TARS3: variants seen among roughly 807,000 people sequenced by gnomAD.
TARS3 encodes threonine--tRNA ligase 2, cytoplasmic.
TARS3 carries 94 observed loss-of-function variants against 103.5 expected under a neutral mutation model. The ratio of observed to expected loss-of-function variants is 0.91; its 90% CI spans 0.77 to 1.08. TARS3 has a LOEUF of 1.08. TARS3 is among the 50% of genes least tolerant of loss of function. The pLI is 0.00. For synonymous variants in TARS3, 416 were observed against 355.4 expected, an observed-to-expected ratio of 1.17 and a Z score of -1.92; for missense variants, 952 against 995.2, an observed-to-expected ratio of 0.96 and a Z score of 0.58.
At chr15:101,678,450 C>A (rs549139725) in intron 12 of TARS3, among the ~76,000 whole-genome samples, 41 of 151,156 alleles carry the variant, frequency 2.7e-4, no homozygotes, top group African/African-American at 9.7e-4. Flanking sequence ...TAACATTTTT[C>A]TGGAATTCAA....
intron 6 of TARS3, among the ~76,000 whole-genome samples, chr15:101,706,949 G>A (rs2141437759): frequency 6.6e-6 from 1 of 152,244 alleles, no homozygotes; most frequent in East Asian, 1.9e-4. Context: ...TGGATATCCA[G>A]AATATATCAA....
At chr15:101,712,410 C>A (rs1899913476) in intron 4 of TARS3, among the ~76,000 whole-genome samples, 1 of 152,160 alleles carries the variant, frequency 6.6e-6, no homozygotes, top group Admixed American at 6.5e-5. Context: ...TCTCCAGGGG[C>A]ACCCTCTCTG....
chr15:101,711,859 A>T, intron 5 of TARS3, 21 bp downstream of exon 5: 1 of 1,612,162 alleles, frequency 6.2e-7, no homozygotes, highest in East Asian at 2.2e-5. Context: ...TGCATTCACA[A>T]GCCAGTATTC....
At chr15:101,709,864 T>A (rs1195106286) in intron 5 of TARS3, among the ~76,000 whole-genome samples, 1 of 152,202 alleles carries the variant, frequency 6.6e-6, no homozygotes, top group Non-Finnish European at 1.5e-5. Context: ...TTGGTCTTCA[T>A]CCAGATTTCT....
intron 12 of TARS3, 112 bp downstream of exon 12, chr15:101,683,963 C>T: frequency 1.9e-6 from 2 of 1,075,764 alleles, no homozygotes; most frequent in African/African-American, 1.6e-5. Context: ...GAATGAATCT[C>T]AGAGACTAGA....
At position 101,657,810 on chromosome 15, in the gene TARS3, G is replaced by A. The variant is rs747463497; in HGVS notation, c.2120C>T (p.Pro707Leu). The A allele has an allele frequency of 1.9e-6, 3 of 1,609,200 alleles. No individual in the cohort carries two copies. The South Asian group carries it at 3.3e-5, about 18-fold the overall frequency. ...CTGAAGTGCATATTTTTCACAAGTT[G>A]GCCCCACAGGGATGACCATCACCTG... ...PRQVMVIPVG[P>L]TCEKYALQVS... Residue 707 changes from proline (P) to leucine (L), a missense_variant, in exon 17 of 19, where the codon CCA becomes CTA. By Grantham distance (98) the Pro-to-Leu change is moderately conservative (BLOSUM62 -3). Around this residue, in one of 2 missense-constraint regions of TARS3, gnomAD observed 540 missense variants for 631.0 expected, o/e 0.86. Transcript: ENST00000335968.
intron 13 of TARS3, among the ~76,000 whole-genome samples, chr15:101,674,458 A>C (rs1019858744): frequency 2.6e-5 from 4 of 152,228 alleles, no homozygotes; most frequent in Non-Finnish European, 5.9e-5. Flanking sequence ...AGGAACAAGA[A>C]ATTCATGCTA....
At chr15:101,687,739 C>T (rs536200328) in intron 10 of TARS3, among the ~76,000 whole-genome samples, 1 of 152,168 alleles carries the variant, frequency 6.6e-6, no homozygotes, top group East Asian at 1.9e-4. Context: ...ATACCTTAAC[C>T]CCAAGGTGAT....
intron 13 of TARS3, among the ~76,000 whole-genome samples, 184 bp downstream of exon 13, chr15:101,675,411 TGTAAG>T (rs765151486): frequency 6.6e-6 from 1 of 152,186 alleles, no homozygotes; most frequent in Non-Finnish European, 1.5e-5. Context: ...GTGAAGCAAA[TGTAAG>T]GTATTATTAT....
chr15:101,662,078 T>C (rs578261316), intron 15 of TARS3, among the ~76,000 whole-genome samples: 2 of 152,158 alleles, frequency 1.3e-5, no homozygotes, highest in Admixed American at 6.6e-5. Context: ...ATACCCTCTC[T>C]CAGCTTCACA....
intron 10 of TARS3, among the ~76,000 whole-genome samples, chr15:101,698,798 G>C (rs763430992): frequency 1.4e-4 from 21 of 152,182 alleles, no homozygotes; most frequent in Non-Finnish European, 3.1e-4. Flanking sequence ...CTGGATTTTT[G>C]AGCCAATGTA....
chr15:101,708,651 A>G, intron 6 of TARS3, 142 bp downstream of exon 6: 1 of 644,010 alleles, frequency 1.6e-6, no homozygotes, highest in Non-Finnish European at 2.7e-6. Flanking sequence ...ACAGCAAGTA[A>G]CTGGTAACAA....
intron 15 of TARS3, among the ~76,000 whole-genome samples, chr15:101,666,973 T>C (rs1014789328): frequency 3.9e-5 from 6 of 152,202 alleles, no homozygotes; most frequent in East Asian, 1.9e-4. Context: ...ATAACAAGAC[T>C]TGAAAGTCAA....
intron 5 of TARS3, among the ~76,000 whole-genome samples, chr15:101,709,803 T>C (rs1049696324): frequency 8.5e-5 from 13 of 152,344 alleles, no homozygotes; most frequent in Middle Eastern, 3.4e-3. Context: ...GGAGCCATGT[T>C]AACAAGAGAT....
rs144807972 is a variant in TARS3 at position 101,715,800 on chromosome 15, T to C, written c.567-837A>G. On this transcript the variant is annotated intron_variant, in intron 3 of 18. Transcript: ENST00000335968. Reference sequence around the variant, plus strand: ...ACAGGCATCTTGCGACTTCTGTGACTGTTTTCTGGGAATACATCCACAGAA... The same window carrying C: ...ACAGGCATCTTGCGACTTCTGTGACCGTTTTCTGGGAATACATCCACAGAA... 8.5e-5 allele frequency among the ~76,000 whole-genome samples: 13 copies of C among 152,314 alleles called. No homozygotes were observed. The East Asian group carries it at 2.3e-3, about 27-fold the overall frequency.
rs146464544 is a variant in TARS3 at position 101,661,767 on chromosome 15, A to G, written c.2017T>C (p.Leu673=). The stretch of plus-strand genomic sequence containing the variant: ...GCTATCATTCTTTCCACTGATCCCA[A>G]AATGGCTCGATGAATGATCACAGGT... ...KRPVIIHRAI[L]GSVERMIAIL... is the part of the protein sequence containing the mutation. Residue 673 remains leucine, a synonymous_variant, in exon 16 of 19, where the codon TTG becomes CTG. Transcript: ENST00000335968. The G allele has an allele frequency of 1.6e-4, 260 of 1,607,984 alleles. No homozygotes were observed. The highest frequency in any genetic ancestry group is 5.7e-4 in the Admixed American group (34 of 59,328).
chr15:101,668,379 T>G (rs1484354441), intron 15 of TARS3, among the ~76,000 whole-genome samples: 4 of 151,652 alleles, frequency 2.6e-5, no homozygotes, highest in African/African-American at 7.3e-5. Flanking sequence ...GCCGGTGGAG[T>G]GGTCACAACA....
chr15:101,722,937 T>C (rs539429327), intron 2 of TARS3, among the ~76,000 whole-genome samples, 156 bp downstream of exon 2: 1 of 152,222 alleles, frequency 6.6e-6, no homozygotes, highest in African/African-American at 2.4e-5. Flanking sequence ...TCTCAAGACA[T>C]CTCATATTTA....
At chr15:101,658,999 C>T (rs1483329970) in intron 16 of TARS3, among the ~76,000 whole-genome samples, 1 of 152,164 alleles carries the variant, frequency 6.6e-6, no homozygotes, top group Non-Finnish European at 1.5e-5. Flanking sequence ...ACCATGTTGG[C>T]CAGACTGGTC....
Sources: gnomAD v4.1 joint callset for allele counts (sites outside exome capture counted in the v4.1 genomes callset) on GRCh38, gnomAD v4.1.1 for gene constraint, gnomAD v4.1.1 regional missense constraint, MANE v1.5 for transcripts, NCBI Gene and HGNC (gene_info 2026-07-23, HGNC 2026-07-21) for gene names.